Variants in PTPRD observed in about 807,000 individuals in gnomAD.
The protein encoded by PTPRD is receptor-type tyrosine-protein phosphatase delta.
Under a neutral mutation model 214.5 loss-of-function variants are expected in PTPRD, and 34 were observed. That is an observed-to-expected ratio of 0.16 (90% confidence interval 0.12 to 0.21). PTPRD has a LOEUF of 0.21. Ranked by LOEUF, PTPRD falls within the 10% of genes least tolerant of loss-of-function variation. The pLI is 1.00. For missense variants in PTPRD, 2,545 were observed against 2,398.7 expected, an observed-to-expected ratio of 1.06 and a Z score of -1.27; for synonymous variants, 1,128 against 845.7, an observed-to-expected ratio of 1.33 and a Z score of -5.79.
chr9:8,915,749 A>T (rs376750559), intron 11 of PTPRD, among the ~76,000 whole-genome samples: 2 of 152,166 alleles, frequency 1.3e-5, no homozygotes, highest in Non-Finnish European at 2.9e-5. Context: ...ATTTCCTCTT[A>T]GTTGAGAAAG....
chr9:9,166,277 T>C (rs1294677932), intron 10 of PTPRD, among the ~76,000 whole-genome samples: 1 of 152,080 alleles, frequency 6.6e-6, no homozygotes, highest in Non-Finnish European at 1.5e-5. Flanking sequence ...TCTGTGGAGA[T>C]GACATATTCC....
intron 5 of PTPRD, among the ~76,000 whole-genome samples, chr9:9,891,920 A>G (rs1404626821): frequency 6.6e-6 from 1 of 152,148 alleles, no homozygotes; most frequent in African/African-American, 2.4e-5. Flanking sequence ...TTAAAAACTA[A>G]AAGACATCCC....
intron 10 of PTPRD, among the ~76,000 whole-genome samples, chr9:9,070,933 T>G (rs966095972): frequency 2.0e-5 from 3 of 152,082 alleles, no homozygotes; most frequent in African/African-American, 7.2e-5. Context: ...AGACAGGATC[T>G]CACTCTGCCT....
intron 2 of PTPRD, among the ~76,000 whole-genome samples, chr9:10,510,971 G>C (rs1300583860): frequency 6.6e-6 from 1 of 151,998 alleles, no homozygotes; most frequent in Admixed American, 6.6e-5. Context: ...TTCTGTGACT[G>C]GTTTACTTAA....
chr9:10,289,786 A>G (rs552948158), intron 3 of PTPRD, among the ~76,000 whole-genome samples: 1 of 152,318 alleles, frequency 6.6e-6, no homozygotes, highest in African/African-American at 2.4e-5. Flanking sequence ...GGTTTAAAAT[A>G]TAGTAAGGTA....
At chr9:9,213,563 G>A (rs948333312) in intron 9 of PTPRD, among the ~76,000 whole-genome samples, 2 of 152,034 alleles carry the variant, frequency 1.3e-5, no homozygotes, top group Non-Finnish European at 2.9e-5. Flanking sequence ...CCATTGGTTA[G>A]GTCTGCCTCA....
chr9:8,692,844 C>T (rs1306230642), intron 12 of PTPRD, among the ~76,000 whole-genome samples: 1 of 152,164 alleles, frequency 6.6e-6, no homozygotes, highest in African/African-American at 2.4e-5. Flanking sequence ...TCAAGAGTTA[C>T]TGTCAACTTA....
At chr9:9,649,373 C>CAGAGAA (rs1294933779) in intron 7 of PTPRD, among the ~76,000 whole-genome samples, 4 of 151,976 alleles carry the variant, frequency 2.6e-5, no homozygotes, top group Non-Finnish European at 5.9e-5. Flanking sequence ...ATGGCAAAAT[C>CAGAGAA]AGAGAAAAAT....
chr9:9,445,943 T>C (rs762402537), intron 8 of PTPRD, among the ~76,000 whole-genome samples: 4 of 152,204 alleles, frequency 2.6e-5, no homozygotes, highest in Non-Finnish European at 5.9e-5. Context: ...CAGAACATTG[T>C]TTAGACAAAA....
intron 11 of PTPRD, among the ~76,000 whole-genome samples, chr9:8,919,881 T>C (rs945369664): frequency 3.3e-5 from 5 of 150,454 alleles, no homozygotes; most frequent in African/African-American, 7.4e-5. Context: ...GCATGTATCA[T>C]GCATACATAG....
chr9:10,512,146 G>A (rs528069418), intron 2 of PTPRD, among the ~76,000 whole-genome samples: 2 of 146,034 alleles, frequency 1.4e-5, no homozygotes, highest in African/African-American at 5.1e-5. Flanking sequence ...AGATGGCATG[G>A]TAATAAGAAG....
At chr9:8,895,489 T>C (rs970920532) in intron 11 of PTPRD, among the ~76,000 whole-genome samples, 6 of 152,182 alleles carry the variant, frequency 3.9e-5, no homozygotes, top group African/African-American at 1.4e-4. Flanking sequence ...TTTTAGATAA[T>C]AGAACTTTCA....
At chr9:8,584,738 A>T (rs899996574) in intron 14 of PTPRD, among the ~76,000 whole-genome samples, 18 of 152,202 alleles carry the variant, frequency 1.2e-4, no homozygotes, top group African/African-American at 4.3e-4. Flanking sequence ...GTCCATTCTC[A>T]TGCTGCAAAT....
intron 9 of PTPRD, among the ~76,000 whole-genome samples, chr9:9,212,299 A>G (rs1462187434): frequency 1.3e-5 from 2 of 152,176 alleles, no homozygotes; most frequent in Non-Finnish European, 2.9e-5. Flanking sequence ...AAATAACAAT[A>G]ATATCACTAA....
At chr9:8,593,052 C>G (rs1335005221) in intron 14 of PTPRD, among the ~76,000 whole-genome samples, 1 of 152,116 alleles carries the variant, frequency 6.6e-6, no homozygotes, top group Non-Finnish European at 1.5e-5. Context: ...CAGCAAAAGA[C>G]AAGGCTGGAA....
At chr9:10,516,400 G>C (rs1013778731) in intron 2 of PTPRD, among the ~76,000 whole-genome samples, 1 of 151,810 alleles carries the variant, frequency 6.6e-6, no homozygotes. Context: ...TAAGCCCTTA[G>C]CTCATTTTTT....
intron 2 of PTPRD, among the ~76,000 whole-genome samples, chr9:10,455,299 A>C (rs79658856): frequency 6.6e-6 from 1 of 151,564 alleles, no homozygotes; most frequent in African/African-American, 2.4e-5. Context: ...TTCAGTTACT[A>C]AGGTATTTAT....
intron 36 of PTPRD, among the ~76,000 whole-genome samples, chr9:8,400,579 A>T (rs1211237869): frequency 6.6e-6 from 1 of 152,186 alleles, no homozygotes; most frequent in Non-Finnish European, 1.5e-5. Context: ...AAAAGATAAG[A>T]CTGAGCTTTT....
At chr9:10,212,555 T>C (rs1476886896) in intron 3 of PTPRD, among the ~76,000 whole-genome samples, 3 of 152,144 alleles carry the variant, frequency 2.0e-5, no homozygotes, top group Non-Finnish European at 4.4e-5. Context: ...TGACATCCTA[T>C]AGTTTAAAAG....
Sources: gnomAD v4.1 joint callset for allele counts (sites outside exome capture counted in the v4.1 genomes callset) on GRCh38, gnomAD v4.1.1 for gene constraint, MANE v1.5 for transcripts, NCBI Gene and HGNC (gene_info 2026-07-23, HGNC 2026-07-21) for gene names.